CACNA1B: variants seen among roughly 807,000 people sequenced by gnomAD.
The protein encoded by CACNA1B is calcium voltage-gated channel subunit alpha1 B.
Under a neutral mutation model 247.2 loss-of-function variants are expected in CACNA1B, and 70 were observed. That is an observed-to-expected ratio of 0.28 (90% CI 0.23 to 0.35). The LOEUF (loss-of-function observed/expected upper bound fraction) is 0.35, where lower values mean the gene tolerates loss of function less well. CACNA1B is among the 10% of genes least tolerant of loss of function. CACNA1B has a pLI of 1.00. For missense variants in CACNA1B, 2,367 were observed against 3,197.4 expected, an observed-to-expected ratio of 0.74 and a Z score of 6.26; for synonymous variants, 1,231 against 1,294.4, an observed-to-expected ratio of 0.95 and a Z score of 1.05.
At chr9:138,111,184 A>G (rs138733184) in intron 39 of CACNA1B, among the ~76,000 whole-genome samples, 2 of 152,234 alleles carry the variant, frequency 1.3e-5, no homozygotes, top group East Asian at 3.8e-4. Flanking sequence ...GAAAACATAC[A>G]TCCACACAAT....
chr9:138,031,490 A>G (rs1477549189), intron 20 of CACNA1B, among the ~76,000 whole-genome samples: 1 of 152,144 alleles, frequency 6.6e-6, no homozygotes, highest in Non-Finnish European at 1.5e-5. Context: ...TGTGTTGTTG[A>G]TGTGCATTCC....
At chr9:137,927,666 G>A (rs1229816913) in intron 6 of CACNA1B, among the ~76,000 whole-genome samples, 5 of 152,174 alleles carry the variant, frequency 3.3e-5, no homozygotes, top group Non-Finnish European at 7.3e-5. Flanking sequence ...TAAGAATGGC[G>A]AGAGCTGACA....
intron 15 of CACNA1B, among the ~76,000 whole-genome samples, chr9:138,000,498 G>C (rs1011591474): frequency 1.3e-5 from 2 of 152,180 alleles, no homozygotes; most frequent in Non-Finnish European, 2.9e-5. Context: ...AAATTTAACA[G>C]ACAGTCAAAG....
intron 40 of CACNA1B, among the ~76,000 whole-genome samples, chr9:138,114,077 A>G (rs1961767834): frequency 6.6e-6 from 1 of 151,852 alleles, no homozygotes; most frequent in South Asian, 2.1e-4. Flanking sequence ...TCTGGGGAGG[A>G]GACACAGGAA....
rs549464530 is a variant in CACNA1B, at chr9:137,951,185, T to G, written c.967-1089T>G. On this transcript the variant is annotated intron_variant, in intron 6 of 46. Coordinates refer to ENST00000371372, the MANE Select transcript of CACNA1B (RefSeq NM_000718.4). ...AGAGGTGTGGTCTAGTGGTTCATAT[T>G]CTAGGAACATGAACTGCAGCTGGAG... is the stretch of plus-strand genomic sequence containing the variant. 2.0e-5 allele frequency among the ~76,000 whole-genome samples: 3 copies of G among 152,342 alleles called. No homozygotes were observed. The East Asian group carries it at 5.8e-4, about 29-fold the overall frequency.
intron 15 of CACNA1B, among the ~76,000 whole-genome samples, chr9:137,992,735 T>G (rs1270426169): frequency 6.6e-6 from 1 of 150,628 alleles, no homozygotes; most frequent in South Asian, 2.1e-4. Flanking sequence ...ATTTGGAGCT[T>G]GCAGTGAGCC....
chr9:137,894,039 A>G (rs1235244335), intron 3 of CACNA1B, among the ~76,000 whole-genome samples: 1 of 152,120 alleles, frequency 6.6e-6, no homozygotes, highest in Non-Finnish European at 1.5e-5. Flanking sequence ...TGCCTTTTTC[A>G]CCCATTTGCT....
At chr9:137,993,210 A>G (rs1204966954) in intron 15 of CACNA1B, among the ~76,000 whole-genome samples, 2 of 152,092 alleles carry the variant, frequency 1.3e-5, no homozygotes, top group Non-Finnish European at 2.9e-5. Flanking sequence ...TGAAATTGAA[A>G]CAAAAAAAAT....
intron 31 of CACNA1B, among the ~76,000 whole-genome samples, chr9:138,067,131 T>C (rs1213266631): frequency 6.6e-6 from 1 of 152,078 alleles, no homozygotes; most frequent in Non-Finnish European, 1.5e-5. Context: ...CCTAGGTAAG[T>C]GAACACATTA....
At chr9:138,047,641 A>C (rs1239002597) in intron 23 of CACNA1B, among the ~76,000 whole-genome samples, 183 bp downstream of exon 23, 1 of 152,210 alleles carries the variant, frequency 6.6e-6, no homozygotes, top group Non-Finnish European at 1.5e-5. Context: ...TTTGTCGTTC[A>C]CTGAGAAAAT....
intron 3 of CACNA1B, among the ~76,000 whole-genome samples, chr9:137,910,303 T>G (rs1194172906): frequency 6.6e-6 from 1 of 152,158 alleles, no homozygotes; most frequent in Admixed American, 6.5e-5. Flanking sequence ...TTATTAGAGA[T>G]ATGATTTGCA....
intron 3 of CACNA1B, among the ~76,000 whole-genome samples, chr9:137,911,876 A>G (rs1957363759): frequency 6.6e-6 from 1 of 152,172 alleles, no homozygotes; most frequent in South Asian, 2.1e-4. Context: ...GTGGCATATG[A>G]GAGAAGGACC....
chr9:138,008,348 T>G (rs1024290906), intron 16 of CACNA1B, among the ~76,000 whole-genome samples: 3 of 152,208 alleles, frequency 2.0e-5, no homozygotes, highest in African/African-American at 7.2e-5. Context: ...CCCCTCCCTG[T>G]CCACTCAGCG....
intron 35 of CACNA1B, 63 bp downstream of exon 35, chr9:138,075,973 A>C: frequency 9.1e-7 from 1 of 1,102,470 alleles, no homozygotes; most frequent in Non-Finnish European, 1.4e-6. Context: ...TTTACTCAGG[A>C]TGAAGAAGGC....
At chr9:138,035,866 GA>G (rs1291607590) in intron 20 of CACNA1B, among the ~76,000 whole-genome samples, 2 of 152,100 alleles carry the variant, frequency 1.3e-5, no homozygotes, top group Non-Finnish European at 2.9e-5. Flanking sequence ...GTTTCTCTCT[GA>G]GAGTTATTTT....
At chr9:138,115,461 T>G in intron 41 of CACNA1B, 91 bp from the exon 42 acceptor site, 1 of 1,393,962 alleles carries the variant, frequency 7.2e-7, no homozygotes, top group East Asian at 2.4e-5. Context: ...ATGACCTGGC[T>G]TTTGCCCCAT....
intron 15 of CACNA1B, among the ~76,000 whole-genome samples, chr9:138,000,398 A>C (rs973753054): frequency 4.6e-5 from 7 of 152,160 alleles, no homozygotes; most frequent in Non-Finnish European, 8.8e-5. Flanking sequence ...GTGCCTGGCC[A>C]AAACATGCAT....
At chr9:137,989,221 C>G (rs1240359020) in intron 15 of CACNA1B, among the ~76,000 whole-genome samples, 4 of 152,154 alleles carry the variant, frequency 2.6e-5, no homozygotes, top group African/African-American at 9.7e-5. Flanking sequence ...CACCTAAGAA[C>G]AAAGAAAAGA....
At position 137,924,891 on chromosome 9, in the gene CACNA1B, T is replaced by C. The variant is rs1034374836; in HGVS notation, c.966+7460T>C. Among the ~76,000 whole-genome samples, 12 of 152,304 alleles carry C rather than the reference T, an allele frequency of 7.9e-5. No individual in the cohort carries two copies. In the South Asian group the frequency reaches 2.5e-3, roughly 32 times the overall value. ...GGGGATGAAAGGAAGCGGACCTTGG[T>C]GTTGACAGTGTACCCTTCATGGGAT... is the stretch of plus-strand genomic sequence containing the variant. On this transcript the variant is annotated intron_variant, in intron 6 of 46. Coordinates refer to ENST00000371372, the MANE Select transcript of CACNA1B (RefSeq NM_000718.4).
Sources: gnomAD v4.1 joint callset for allele counts (sites outside exome capture counted in the v4.1 genomes callset) on GRCh38, gnomAD v4.1.1 for gene constraint, MANE v1.5 for transcripts, NCBI Gene and HGNC (gene_info 2026-07-23, HGNC 2026-07-21) for gene names.